The following GNAQ variants were observed in gnomAD, a reference collection of about 807,000 sequenced individuals.
The protein encoded by GNAQ is G protein subunit alpha q, also known as guanine nucleotide-binding protein G(q) subunit alpha.
Under a neutral mutation model 43.9 loss-of-function variants are expected in GNAQ, and 8 were observed. That is an observed-to-expected ratio of 0.18 (90% confidence interval 0.11 to 0.33). The LOEUF (loss-of-function observed/expected upper bound fraction) is 0.33. Among genes scored for constraint, GNAQ ranks in the 10% least tolerant of loss-of-function variants. The probability of loss-of-function intolerance (pLI) is 1.00; values close to 1 mark genes in which losing one functional copy is unlikely to be tolerated. For synonymous variants in GNAQ, 155 were observed against 170.7 expected (o/e 0.91, Z 0.71); for missense variants, 158 against 450.8 (o/e 0.35, Z 5.88).
intron 1 of GNAQ, among the ~76,000 whole-genome samples, chr9:77,950,140 AC>A (rs1822957477): frequency 6.6e-6 from 1 of 152,148 alleles, no homozygotes. Flanking sequence ...CCTTCCTGAA[AC>A]TTTGCTTCTC....
chr9:77,805,948 T>C (rs1425978102), intron 3 of GNAQ, among the ~76,000 whole-genome samples: 2 of 152,160 alleles, frequency 1.3e-5, no homozygotes, highest in Non-Finnish European at 2.9e-5. Flanking sequence ...TGGTAAATAG[T>C]TTCATTATCT....
chr9:77,946,698 A>G (rs976761382), intron 1 of GNAQ, among the ~76,000 whole-genome samples: 5 of 152,364 alleles, frequency 3.3e-5, no homozygotes, highest in African/African-American at 1.2e-4. Flanking sequence ...ATTTTACACA[A>G]TAACAGTGTA....
At chr9:78,010,375 T>C (rs987507264) in intron 1 of GNAQ, among the ~76,000 whole-genome samples, 6 of 152,154 alleles carry the variant, frequency 3.9e-5, no homozygotes, top group African/African-American at 1.4e-4. Context: ...TTCAGCTCAA[T>C]GAAAGATTTC....
At chr9:77,892,194 C>G (rs1281272651) in intron 2 of GNAQ, among the ~76,000 whole-genome samples, 1 of 152,156 alleles carries the variant, frequency 6.6e-6, no homozygotes, top group Non-Finnish European at 1.5e-5. Context: ...TCTTCTGAAA[C>G]GTTATCTGTC....
chr9:77,775,255 C>A (rs1161911190), intron 5 of GNAQ, among the ~76,000 whole-genome samples: 1 of 152,124 alleles, frequency 6.6e-6, no homozygotes, highest in Non-Finnish European at 1.5e-5. Context: ...AACCTACTAA[C>A]TACAATTAGC....
At chr9:77,804,213 C>T (rs1826789584) in intron 3 of GNAQ, among the ~76,000 whole-genome samples, 1 of 152,108 alleles carries the variant, frequency 6.6e-6, no homozygotes, top group African/African-American at 2.4e-5. Context: ...CACCCCTCCC[C>T]CCACCTATGA....
At chr9:77,767,210 A>T (rs76902879) in intron 5 of GNAQ, among the ~76,000 whole-genome samples, 2,165 of 152,132 alleles carry the variant, frequency 0.014, 48 homozygotes, top group African/African-American at 0.05. Flanking sequence ...GGGTTTTTCA[A>T]CCTCGACACT....
chr9:77,981,133 A>T (rs1279267829), intron 1 of GNAQ, among the ~76,000 whole-genome samples: 1 of 152,180 alleles, frequency 6.6e-6, no homozygotes, highest in Non-Finnish European at 1.5e-5. Flanking sequence ...TTAGTATACA[A>T]TATTATGTAA....
intron 5 of GNAQ, among the ~76,000 whole-genome samples, chr9:77,758,984 C>T (rs1178408779): frequency 6.6e-6 from 1 of 152,026 alleles, no homozygotes; most frequent in Non-Finnish European, 1.5e-5. Flanking sequence ...TTAAAAGCAG[C>T]CTATTAAACT....
chr9:77,721,249 C>T lies in GNAQ; in HGVS notation c.*74G>A. 1.0e-6 allele frequency: 1 copy of T among 952,614 alleles called. No individual in the cohort carries two copies. Among genetic ancestry groups the T allele is most frequent in the Non-Finnish European group, 1.6e-6 (1 of 621,852 alleles). 59.0% of individuals were successfully genotyped at this position (952,614 alleles called of 1,614,324 possible). A position where few individuals can be genotyped will look rare whatever the true frequency, so the allele number is the denominator to read the frequency against. On this transcript the variant is annotated 3_prime_UTR_variant, in exon 7 of 7. Coordinates refer to ENST00000286548, the MANE Select transcript of GNAQ (RefSeq NM_002072.5). ...TTAGTATTATGCAAATTGTTTTCCA[C>T]AGAAATACAGTCCCTCTTGTGTATC...
At chr9:77,923,698 G>T (rs933527989) in intron 1 of GNAQ, among the ~76,000 whole-genome samples, 1 of 151,826 alleles carries the variant, frequency 6.6e-6, no homozygotes, top group African/African-American at 2.4e-5. Flanking sequence ...CGGAATAATA[G>T]AATGAAACAC....
chr9:77,886,958 A>C (rs1214535957), intron 2 of GNAQ, among the ~76,000 whole-genome samples: 1 of 30,498 alleles, frequency 3.3e-5, no homozygotes, highest in Non-Finnish European at 1.5e-4. Flanking sequence ...AAGAAATACA[A>C]AAAAAAAAAA....
chr9:77,914,862 A>T (rs1314895609), intron 2 of GNAQ, among the ~76,000 whole-genome samples: 2 of 151,112 alleles, frequency 1.3e-5, no homozygotes, highest in African/African-American at 2.4e-5. Context: ...ACATAGATGT[A>T]ATCATTACAA....
At chr9:77,759,544 G>C (rs1445258957) in intron 5 of GNAQ, among the ~76,000 whole-genome samples, 1 of 152,118 alleles carries the variant, frequency 6.6e-6, no homozygotes, top group Non-Finnish European at 1.5e-5. Context: ...ACTACAGCAC[G>C]TGACTCTAAG....
chr9:77,957,367 AAAAAAC>A (rs575781497), intron 1 of GNAQ, among the ~76,000 whole-genome samples: 721 of 152,156 alleles, frequency 4.7e-3, no homozygotes, highest in Non-Finnish European at 8.2e-3. Context: ...AAAAAAAACA[AAAAAAC>A]AAAAACAAAA....
At chr9:77,959,075 T>C (rs1278161944) in intron 1 of GNAQ, among the ~76,000 whole-genome samples, 1 of 152,194 alleles carries the variant, frequency 6.6e-6, no homozygotes, top group Non-Finnish European at 1.5e-5. Context: ...GTGTGGTATA[T>C]AAACATCTCC....
intron 2 of GNAQ, among the ~76,000 whole-genome samples, chr9:77,897,142 T>A (rs1828517188): frequency 6.6e-6 from 1 of 152,248 alleles, no homozygotes; most frequent in South Asian, 2.1e-4. Flanking sequence ...AGAACAGAGC[T>A]GCCCACTGTT....
chr9:77,728,599 C>A lies in GNAQ; in HGVS notation c.804G>T (p.Ser268=), dbSNP rs61755087. ...CTTTCTTGTTTAAGAACAGAATAACCGAGGAGTTCTGGAACCAGGGGTATG... is the reference window on the plus strand; with the variant it reads ...CTTTCTTGTTTAAGAACAGAATAACAGAGGAGTTCTGGAACCAGGGGTATG... ...IITYPWFQNS[S]VILFLNKKDL... is the part of the protein sequence containing the mutation. The change falls in exon 6 of 7, where the codon TCG becomes TCT. Residue 268 remains serine (S), a synonymous_variant. Transcript: ENST00000286548. 6.3e-7 allele frequency: 1 copy of A among 1,593,672 alleles called. No individual in the cohort carries two copies. Among genetic ancestry groups the A allele is most frequent in the East Asian group, 2.2e-5 (1 of 44,764 alleles).
chr9:77,769,827 G>A (rs972561902), intron 5 of GNAQ, among the ~76,000 whole-genome samples: 1 of 151,918 alleles, frequency 6.6e-6, no homozygotes, highest in African/African-American at 2.4e-5. Context: ...ACAATGTCTG[G>A]CTAATTCTTT....
Sources: gnomAD v4.1 joint callset for allele counts (sites outside exome capture counted in the v4.1 genomes callset) on GRCh38, gnomAD v4.1.1 for gene constraint, MANE v1.5 for transcripts, NCBI Gene and HGNC (gene_info 2026-07-23, HGNC 2026-07-21) for gene names.